Variants in TTLL11 observed in about 807,000 individuals in gnomAD.
TTLL11 encodes the protein tubulin tyrosine ligase like 11.
TTLL11 carries 42 observed loss-of-function variants against 51.7 expected under a neutral mutation model. The ratio of observed to expected loss-of-function variants is 0.81; its 90% CI spans 0.64 to 1.05. TTLL11 has a LOEUF of 1.05. Ranked by LOEUF, TTLL11 falls within the 50% of genes least tolerant of loss-of-function variation. TTLL11 has a pLI of 0.00. For synonymous variants in TTLL11, 381 were observed against 383.5 expected (o/e 0.99, Z 0.08); for missense variants, 799 against 940.4 (o/e 0.85, Z 1.97).
rs115144260 is a variant in TTLL11, at chr9:121,855,796, T to G, written c.1840+4541A>C. Reference sequence around the variant, plus strand: ...TTAACTGGGCACTGGGCGAGATGCTTTGCATGTTCCAGGCCATGTGCTAGG... The same window carrying G: ...TTAACTGGGCACTGGGCGAGATGCTGTGCATGTTCCAGGCCATGTGCTAGG... On this transcript the variant is annotated intron_variant, in intron 8 of 8. Transcript: ENST00000321582. 9.1e-3 allele frequency among the ~76,000 whole-genome samples: 1,390 copies of G among 152,300 alleles called. 26 individuals carry two copies. The highest frequency in any genetic ancestry group is 0.032 in the African/African-American group (1,324 of 41,550).
intron 6 of TTLL11, among the ~76,000 whole-genome samples, chr9:121,933,386 CAGAAGAGAGT>C (rs1841068643): frequency 6.6e-6 from 1 of 151,908 alleles, no homozygotes; most frequent in African/African-American, 2.4e-5. Context: ...GGCCTTGGGG[CAGAAGAGAGT>C]CAGGCTGGAG....
intron 1 of TTLL11, among the ~76,000 whole-genome samples, chr9:122,074,837 T>C (rs1234810036): frequency 6.6e-6 from 1 of 151,636 alleles, no homozygotes; most frequent in Non-Finnish European, 1.5e-5. Flanking sequence ...AATTTGATAT[T>C]GTGCCACTGC....
intron 3 of TTLL11, among the ~76,000 whole-genome samples, chr9:122,030,148 A>T (rs1007570784): frequency 3.4e-5 from 5 of 145,034 alleles, no homozygotes; most frequent in African/African-American, 1.3e-4. Flanking sequence ...GCTGGGAAGG[A>T]AAGGTATTCC....
At chr9:121,949,194 C>T (rs1454947562) in intron 6 of TTLL11, among the ~76,000 whole-genome samples, 1 of 152,178 alleles carries the variant, frequency 6.6e-6, no homozygotes, top group Non-Finnish European at 1.5e-5. Context: ...CAGCAATTAA[C>T]ATAGTTAATC....
chr9:121,866,570 G>C (rs1245185227), intron 7 of TTLL11, among the ~76,000 whole-genome samples: 1 of 148,996 alleles, frequency 6.7e-6, no homozygotes, highest in Non-Finnish European at 1.5e-5. Context: ...TGAGACAGGA[G>C]AATTACTTGA....
chr9:122,007,475 CAAAAAAA>C (rs59238464), intron 3 of TTLL11, among the ~76,000 whole-genome samples: 36,405 of 94,696 alleles, frequency 0.38, 4,994 homozygotes, highest in Non-Finnish European at 0.42. Context: ...AATTCCATCT[CAAAAAAA>C]AAAAAAAAGA....
intron 6 of TTLL11, among the ~76,000 whole-genome samples, chr9:121,957,218 C>T (rs1225288671): frequency 2.6e-5 from 4 of 152,150 alleles, no homozygotes; most frequent in South Asian, 2.1e-4. Context: ...AATCAGGGGG[C>T]GCCTTCTACC....
At chr9:121,842,753 G>T (rs1837397249) in intron 8 of TTLL11, among the ~76,000 whole-genome samples, 1 of 152,178 alleles carries the variant, frequency 6.6e-6, no homozygotes, top group Admixed American at 6.5e-5. Flanking sequence ...GCTCTCTTGG[G>T]TTAAATGAGT....
At chr9:122,055,087 A>C (rs1051820741) in intron 1 of TTLL11, among the ~76,000 whole-genome samples, 1 of 152,180 alleles carries the variant, frequency 6.6e-6, no homozygotes, top group Non-Finnish European at 1.5e-5. Context: ...TGAGCCAGGC[A>C]GTATGCTTGG....
rs750118555 is a variant in TTLL11 at position 122,093,156 on chromosome 9, A to T, written c.-8T>A. On this transcript the variant is annotated 5_prime_UTR_variant, in exon 1 of 9. It removes the in-frame stop codon of an upstream open reading frame in the 5' UTR. Transcript: ENST00000321582. ...GGAGCTGCCCCGCCGCATGGTGCTC[A>T]GGGCCGGGGCCAGTGCCAGTGCCAC... The T allele has an allele frequency of 1.3e-6, 2 of 1,490,640 alleles. No homozygotes were observed. Among genetic ancestry groups the T allele is most frequent in the East Asian group, 2.8e-5 (1 of 36,132 alleles). The allele number at this position is 1,490,640 out of a possible 1,614,324, so 92.3% of individuals were successfully genotyped here.
intron 8 of TTLL11, among the ~76,000 whole-genome samples, chr9:121,845,363 G>T (rs931769238): frequency 3.3e-5 from 5 of 152,132 alleles, no homozygotes; most frequent in African/African-American, 1.2e-4. Context: ...AACAAAAACT[G>T]AAGGGATCTG....
intron 6 of TTLL11, among the ~76,000 whole-genome samples, chr9:121,904,578 C>A (rs552987593): frequency 1.4e-4 from 22 of 152,324 alleles, no homozygotes; most frequent in African/African-American, 4.8e-4. Context: ...ATCGCCTTTG[C>A]CCTGGTGGTG....
intron 1 of TTLL11, among the ~76,000 whole-genome samples, chr9:122,053,857 C>T (rs892897682): frequency 2.6e-5 from 4 of 151,964 alleles, no homozygotes; most frequent in Admixed American, 6.6e-5. Context: ...GGGAGAGGCT[C>T]CCACGGAGAT....
chr9:121,903,835 A>T (rs1019595053), intron 6 of TTLL11, among the ~76,000 whole-genome samples: 1 of 152,208 alleles, frequency 6.6e-6, no homozygotes, highest in Non-Finnish European at 1.5e-5. Context: ...AATTAAAAGG[A>T]TTAGGTAAAT....
chr9:122,031,218 C>T lies in TTLL11; in HGVS notation c.693+505G>A, dbSNP rs145602380. Among the ~76,000 whole-genome samples, 1,158 of 152,324 alleles carry T rather than the reference C, an allele frequency of 7.6e-3. 19 individuals are homozygous for T. The highest frequency in any genetic ancestry group is 0.027 in the African/African-American group (1,127 of 41,576). On this transcript the variant is annotated intron_variant, in intron 3 of 8. Coordinates refer to ENST00000321582, the MANE Select transcript of TTLL11 (RefSeq NM_001139442.2). ...GTGTATTACATGCTCAAACCTGGTG[C>T]TTCGAGATGGAATGGGTCACTTGAC...
intron 1 of TTLL11, among the ~76,000 whole-genome samples, chr9:122,061,822 G>A (rs1845440908): frequency 2.6e-5 from 4 of 152,036 alleles, no homozygotes; most frequent in South Asian, 4.2e-4. Flanking sequence ...ATTTTTAGTA[G>A]AGATGGGGTT....
intron 8 of TTLL11, among the ~76,000 whole-genome samples, chr9:121,832,796 T>C (rs1837059673): frequency 6.6e-6 from 1 of 152,028 alleles, no homozygotes; most frequent in Admixed American, 6.5e-5. Context: ...AAAAATTAAC[T>C]AGGCATGGTG....
chr9:122,054,165 T>C (rs1428741690), intron 1 of TTLL11, among the ~76,000 whole-genome samples: 1 of 152,106 alleles, frequency 6.6e-6, no homozygotes, highest in Admixed American at 6.5e-5. Context: ...TTCATTATAA[T>C]TGACTCATAT....
At chr9:121,955,014 C>T (rs1195824313) in intron 6 of TTLL11, among the ~76,000 whole-genome samples, 1 of 152,138 alleles carries the variant, frequency 6.6e-6, no homozygotes, top group East Asian at 1.9e-4. Flanking sequence ...GACACTCAGC[C>T]CAAGACCTCG....
Sources: allele counts gnomAD v4.1 joint callset (sites outside exome capture counted in the v4.1 genomes callset), GRCh38; gene constraint gnomAD v4.1.1; transcripts MANE v1.5; gene names NCBI Gene and HGNC (gene_info 2026-07-23, HGNC 2026-07-21).